RABGAP1L: variants seen among roughly 807,000 people sequenced by gnomAD.
RABGAP1L encodes the protein rab GTPase-activating protein 1-like.
RABGAP1L carries 63 observed loss-of-function variants against 137.7 expected under a neutral mutation model. The ratio of observed to expected loss-of-function variants is 0.46; its 90% confidence interval spans 0.37 to 0.56. The LOEUF (loss-of-function observed/expected upper bound fraction) is 0.56. Among genes scored for constraint, RABGAP1L ranks in the 20% least tolerant of loss-of-function variants. The pLI is 0.00. For missense variants in RABGAP1L, 1,095 were observed against 1,244.0 expected (o/e 0.88, Z 1.80); for synonymous variants, 431 against 433.7 (o/e 0.99, Z 0.08).
Position 174,868,264 on chromosome 1 carries a change from A to T in RABGAP1L, c.2340+56304A>T, listed in dbSNP as rs931768424. ...ATGATTTCCATGGCACCCAGCCTAA[A>T]TTGCTTAAACTCTTAGAGCAAGTAT... On this transcript the variant is annotated intron_variant, in intron 19 of 25. Transcript: ENST00000681986. Among the ~76,000 whole-genome samples, 7 of 152,292 alleles carry T rather than the reference A, an allele frequency of 4.6e-5. No homozygotes were observed. The South Asian group carries it at 1.5e-3, about 32-fold the overall frequency.
chr1:174,314,647 TC>T (rs2148807306), intron 11 of RABGAP1L, among the ~76,000 whole-genome samples: 1 of 152,280 alleles, frequency 6.6e-6, no homozygotes, highest in African/African-American at 2.4e-5. Flanking sequence ...GCTATAAACT[TC>T]CCTCTTTGTA....
intron 18 of RABGAP1L, among the ~76,000 whole-genome samples, chr1:174,783,996 T>TTTC (rs1558074921): frequency 1.8e-4 from 26 of 147,750 alleles, no homozygotes; most frequent in African/African-American, 4.0e-4. Flanking sequence ...GCCGTGAGTT[T>TTTC]TTCTTCTTCT....
At chr1:174,915,540 T>A (rs1372212789) in intron 19 of RABGAP1L, among the ~76,000 whole-genome samples, 2 of 152,216 alleles carry the variant, frequency 1.3e-5, no homozygotes, top group African/African-American at 2.4e-5. Flanking sequence ...CACTGCAACC[T>A]CTGCCTCGCA....
intron 17 of RABGAP1L, among the ~76,000 whole-genome samples, chr1:174,737,029 A>G (rs1207249520): frequency 6.6e-6 from 1 of 152,170 alleles, no homozygotes; most frequent in African/African-American, 2.4e-5. Context: ...ATTGTCGTGG[A>G]TATTAGCACT....
intron 19 of RABGAP1L, among the ~76,000 whole-genome samples, chr1:174,856,269 A>G (rs1754361): frequency 6.6e-6 from 1 of 151,888 alleles, no homozygotes; most frequent in East Asian, 1.9e-4. Flanking sequence ...GGTGGCGGGC[A>G]CCTGTAGTCC....
At chr1:174,871,364 C>G (rs1652169150) in intron 19 of RABGAP1L, among the ~76,000 whole-genome samples, 1 of 152,056 alleles carries the variant, frequency 6.6e-6, no homozygotes. Context: ...GAACTCCTGA[C>G]AGCGTGATCT....
In RABGAP1L at chr1:174,252,486, G is replaced by T; in HGVS notation, c.882G>T (p.Val294=). The change falls in exon 7 of 26, where the codon GTG becomes GTT. Residue 294 remains valine, a synonymous_variant. Transcript: ENST00000681986. The part of the protein sequence containing the change: ...EDDGKGNFSP[V]PKDRDKFYFK... ...TTCCTTTTGAATATTTCAGCCCTGT[G>T]CCTAAGGATAGAGATAAATTTTATT... The T allele has an allele frequency of 6.2e-7, 1 of 1,612,056 alleles. No homozygotes were observed. The highest frequency in any genetic ancestry group is 8.5e-7 in the Non-Finnish European group (1 of 1,179,352).
intron 19 of RABGAP1L, among the ~76,000 whole-genome samples, chr1:174,844,364 C>T (rs28858399): frequency 0.51 from 43,252 of 84,000 alleles, 11,032 homozygotes; most frequent in East Asian, 0.83. Context: ...TTAGGTCTAA[C>T]GTTTAAATCT....
chr1:174,626,298 C>T (rs1277749489), intron 13 of RABGAP1L, among the ~76,000 whole-genome samples: 1 of 152,170 alleles, frequency 6.6e-6, no homozygotes, highest in Non-Finnish European at 1.5e-5. Context: ...TGCCCATAGG[C>T]CTCAGTGCCT....
intron 13 of RABGAP1L, among the ~76,000 whole-genome samples, chr1:174,611,355 C>G (rs949532031): frequency 3.3e-5 from 5 of 152,168 alleles, no homozygotes; most frequent in African/African-American, 1.2e-4. Flanking sequence ...TGTCAAAAAT[C>G]AGATAGTTGT....
chr1:174,622,189 A>T (rs955781547), intron 13 of RABGAP1L, among the ~76,000 whole-genome samples: 1 of 152,228 alleles, frequency 6.6e-6, no homozygotes, highest in Admixed American at 6.5e-5. Flanking sequence ...GTGATCATTA[A>T]AAAGTCAGGA....
At chr1:174,346,764 T>C (rs927687043) in intron 11 of RABGAP1L, among the ~76,000 whole-genome samples, 2 of 151,958 alleles carry the variant, frequency 1.3e-5, no homozygotes, top group Non-Finnish European at 2.9e-5. Flanking sequence ...TTTCTCCTAA[T>C]TTTAGGTTTG....
At chr1:174,558,757 T>C (rs1394433165) in intron 13 of RABGAP1L, among the ~76,000 whole-genome samples, 1 of 152,208 alleles carries the variant, frequency 6.6e-6, no homozygotes. Context: ...GGGAGGTTCA[T>C]TCCCGTGGGC....
At chr1:174,398,333 T>C (rs1036637524) in intron 13 of RABGAP1L, among the ~76,000 whole-genome samples, 2 of 152,140 alleles carry the variant, frequency 1.3e-5, no homozygotes, top group Non-Finnish European at 1.5e-5. Flanking sequence ...CCATATTGTA[T>C]TGGGGCTGTT....
chr1:174,921,015 C>T (rs1253869012), intron 19 of RABGAP1L, among the ~76,000 whole-genome samples: 6 of 152,172 alleles, frequency 3.9e-5, no homozygotes, highest in Admixed American at 6.5e-5. Context: ...CTCCGCCTCC[C>T]GGGTTCAAGC....
At chr1:174,780,275 C>G (rs1176585896) in intron 18 of RABGAP1L, among the ~76,000 whole-genome samples, 1 of 152,014 alleles carries the variant, frequency 6.6e-6, no homozygotes, top group East Asian at 1.9e-4. Context: ...TCGAAATCCT[C>G]CCTCCATACT....
intron 13 of RABGAP1L, among the ~76,000 whole-genome samples, chr1:174,483,347 T>G (rs1659310075): frequency 6.6e-6 from 1 of 152,186 alleles, no homozygotes; most frequent in South Asian, 2.1e-4. Context: ...GAGTCAATTG[T>G]TTTAATTTTT....
At chr1:174,914,175 C>T (rs1660489008) in intron 19 of RABGAP1L, among the ~76,000 whole-genome samples, 1 of 152,172 alleles carries the variant, frequency 6.6e-6, no homozygotes, top group African/African-American at 2.4e-5. Context: ...TGGTTTTTCT[C>T]ACATACAGTC....
chr1:174,619,589 T>C (rs1460654374), intron 13 of RABGAP1L, among the ~76,000 whole-genome samples: 2 of 152,208 alleles, frequency 1.3e-5, no homozygotes, highest in Non-Finnish European at 2.9e-5. Flanking sequence ...AAGCAAATGC[T>C]GAGAGATTTT....
Sources: allele counts gnomAD v4.1 joint callset (sites outside exome capture counted in the v4.1 genomes callset), GRCh38; gene constraint gnomAD v4.1.1; transcripts MANE v1.5; gene names NCBI Gene and HGNC (gene_info 2026-07-23, HGNC 2026-07-21).